Variants in PRKG1 observed in about 807,000 individuals in gnomAD.
PRKG1 encodes the protein protein kinase cGMP-dependent 1, also known as cGMP-dependent protein kinase 1.
In PRKG1, 35 loss-of-function variants were observed where a neutral mutation model predicts 88.1. The observed-to-expected ratio is 0.40, with a 90% confidence interval of 0.30 to 0.53. PRKG1 has a LOEUF of 0.53. Among genes scored for constraint, PRKG1 ranks in the 20% least tolerant of loss-of-function variants. The probability of loss-of-function intolerance (pLI) is 0.59; values close to 1 mark genes in which losing one functional copy is unlikely to be tolerated. For missense variants in PRKG1, 540 were observed against 839.8 expected (o/e 0.64, Z 4.41); for synonymous variants, 303 against 292.5 (o/e 1.04, Z -0.37).
chr10:51,306,344 T>G (rs1177268422), intron 2 of PRKG1, among the ~76,000 whole-genome samples: 1 of 152,270 alleles, frequency 6.6e-6, no homozygotes, highest in Non-Finnish European at 1.5e-5. Context: ...AGAGTGAGAT[T>G]TGGGCTTGAA....
chr10:51,135,978 G>C (rs1454564686), intron 1 of PRKG1, among the ~76,000 whole-genome samples: 1 of 131,408 alleles, frequency 7.6e-6, no homozygotes, highest in Non-Finnish European at 1.6e-5. Context: ...GGGAAGGGGG[G>C]AGGGGGGAGG....
intron 5 of PRKG1, among the ~76,000 whole-genome samples, chr10:52,049,057 G>T (rs975630367): frequency 9.9e-5 from 15 of 152,114 alleles, no homozygotes; most frequent in African/African-American, 3.6e-4. Flanking sequence ...GACTCTTCTC[G>T]CAGGAGGCTT....
intron 4 of PRKG1, among the ~76,000 whole-genome samples, chr10:51,820,166 G>A (rs7917644): frequency 0.08 from 12,116 of 152,062 alleles, 1,183 homozygotes; most frequent in African/African-American, 0.23. Flanking sequence ...ATGTACAACT[G>A]TTATATGCAA....
At chr10:51,944,935 A>C (rs989532328) in intron 5 of PRKG1, among the ~76,000 whole-genome samples, 6 of 151,480 alleles carry the variant, frequency 4.0e-5, no homozygotes, top group African/African-American at 1.2e-4. Flanking sequence ...TATTCTGTTG[A>C]TTTGGGGTGG....
chr10:51,176,991 A>ATTT (rs1405152152), intron 2 of PRKG1, among the ~76,000 whole-genome samples: 1 of 152,194 alleles, frequency 6.6e-6, no homozygotes, highest in African/African-American at 2.4e-5. Context: ...TTAAGAGTGA[A>ATTT]GACATAAAAG....
chr10:51,441,309 TA>T (rs1052633690), intron 2 of PRKG1, among the ~76,000 whole-genome samples: 15 of 152,052 alleles, frequency 9.9e-5, no homozygotes, highest in African/African-American at 3.6e-4. Flanking sequence ...AAAGAGAAAC[TA>T]AAGCATGGAA....
chr10:52,200,134 G>T (rs1839626792), intron 9 of PRKG1, among the ~76,000 whole-genome samples: 1 of 152,074 alleles, frequency 6.6e-6, no homozygotes, highest in South Asian at 2.1e-4. Flanking sequence ...GTGGGCGTTT[G>T]ATGTACAAAT....
At chr10:52,017,092 G>T (rs1311843970) in intron 5 of PRKG1, among the ~76,000 whole-genome samples, 2 of 152,020 alleles carry the variant, frequency 1.3e-5, no homozygotes, top group East Asian at 3.9e-4. Flanking sequence ...GGGAGTGAAG[G>T]CTTGAGTATT....
At chr10:51,425,477 A>G (rs956250964) in intron 2 of PRKG1, among the ~76,000 whole-genome samples, 4 of 152,146 alleles carry the variant, frequency 2.6e-5, no homozygotes, top group African/African-American at 9.7e-5. Flanking sequence ...GATTTTCTTC[A>G]GTTTTTTCAG....
intron 12 of PRKG1, among the ~76,000 whole-genome samples, chr10:52,277,099 G>A (rs1388135951): frequency 6.6e-6 from 1 of 152,124 alleles, no homozygotes. Flanking sequence ...GAGAAAACTG[G>A]AAACAAATAG....
At chr10:51,795,436 T>A (rs1564649853) in intron 3 of PRKG1, among the ~76,000 whole-genome samples, 1 of 152,142 alleles carries the variant, frequency 6.6e-6, no homozygotes, top group South Asian at 2.1e-4. Context: ...CCAAACTAAC[T>A]GTGAGGCAAT....
At chr10:52,269,214 A>G (rs923558622) in intron 10 of PRKG1, among the ~76,000 whole-genome samples, 11 of 152,054 alleles carry the variant, frequency 7.2e-5, no homozygotes, top group African/African-American at 2.7e-4. Context: ...TCTTCTCTGA[A>G]TTGTAGTACT....
At chr10:51,070,227 C>G (rs1374498473), upstream of PRKG1, among the ~76,000 whole-genome samples, 1 of 152,042 alleles carries the variant, frequency 6.6e-6, no homozygotes, top group African/African-American at 2.4e-5. Flanking sequence ...TCCATTTTCT[C>G]TAATATTAAT....
chr10:51,738,002 A>G (rs1166750223), intron 3 of PRKG1, among the ~76,000 whole-genome samples: 1 of 151,708 alleles, frequency 6.6e-6, no homozygotes, highest in Non-Finnish European at 1.5e-5. Context: ...CTGGTCTCGA[A>G]CTCCTGACGC....
At chr10:51,229,616 C>T (rs1352204981) in intron 2 of PRKG1, among the ~76,000 whole-genome samples, 1 of 152,074 alleles carries the variant, frequency 6.6e-6, no homozygotes, top group Non-Finnish European at 1.5e-5. Context: ...AAAAATGGGA[C>T]TAAAAGCTTC....
At chr10:51,054,982 T>A (rs1843609762) in intron 1 of PRKG1, among the ~76,000 whole-genome samples, 1 of 152,198 alleles carries the variant, frequency 6.6e-6, no homozygotes, top group Non-Finnish European at 1.5e-5. Flanking sequence ...CCAAATACTA[T>A]TATATAATGA....
intron 2 of PRKG1, among the ~76,000 whole-genome samples, chr10:51,219,491 C>A (rs1048562225): frequency 6.6e-6 from 1 of 151,770 alleles, no homozygotes; most frequent in East Asian, 1.9e-4. Context: ...GGGTGGATCA[C>A]AAGGTCAGGG....
chr10:51,945,381 C>T lies in PRKG1; in HGVS notation c.762+37811C>T, dbSNP rs4503483. Among the ~76,000 whole-genome samples the T allele has an allele frequency of 7.1e-3, 1,074 of 151,544 alleles. 8 individuals carry two copies. The highest frequency in any genetic ancestry group is 0.012 in the Non-Finnish European group (800 of 67,930). ...CGTGAGATGAGTTTCCTGAATACAG[C>T]ACACTGATGGGTCTTGACTCTTTAT... On this transcript the variant is annotated intron_variant, in intron 5 of 17. Coordinates refer to ENST00000373980, the MANE Select transcript of PRKG1 (RefSeq NM_006258.4).
intron 4 of PRKG1, among the ~76,000 whole-genome samples, chr10:51,832,871 G>A (rs774888417): frequency 1.3e-5 from 2 of 152,074 alleles, no homozygotes; most frequent in African/African-American, 2.4e-5. Flanking sequence ...TCTCTGGTAC[G>A]GCCCTCAGAG....
Sources: gnomAD v4.1 joint callset for allele counts (sites outside exome capture counted in the v4.1 genomes callset) on GRCh38, gnomAD v4.1.1 for gene constraint, MANE v1.5 for transcripts, NCBI Gene and HGNC (gene_info 2026-07-23, HGNC 2026-07-21) for gene names.